Variants in SMU1 observed in about 807,000 individuals in gnomAD.
The protein encoded by SMU1 is WD40 repeat-containing protein SMU1.
In SMU1, 2 loss-of-function variants were observed where a neutral mutation model predicts 62.0. The ratio of observed to expected loss-of-function variants is 0.03; its 90% CI spans 0.01 to 0.10. The LOEUF is 0.10. Ranked by LOEUF, SMU1 falls within the 10% of genes least tolerant of loss-of-function variation. The probability of loss-of-function intolerance (pLI) is 1.00; values close to 1 mark genes in which losing one functional copy is unlikely to be tolerated. For missense variants in SMU1, 227 were observed against 622.1 expected (o/e 0.36, Z 6.76); for synonymous variants, 188 against 212.4 (o/e 0.89, Z 1.00).
At chr9:33,053,851 C>T (rs1839276292) in intron 9 of SMU1, among the ~76,000 whole-genome samples, 1 of 152,244 alleles carries the variant, frequency 6.6e-6, no homozygotes, top group Non-Finnish European at 1.5e-5. Context: ...CAAACTAAAA[C>T]TTAAAAACTT....
chr9:33,047,125 A>G lies in SMU1; in HGVS notation c.*168T>C. 1 of 532,754 alleles carries G rather than the reference A, an allele frequency of 1.9e-6. No individual in the cohort carries two copies. Among genetic ancestry groups the G allele is most frequent in the Admixed American group, 3.7e-5 (1 of 27,134 alleles). 33.0% of individuals were successfully genotyped at this position (532,754 alleles called of 1,614,324 possible). A position where few individuals can be genotyped will look rare whatever the true frequency, so the allele number is the denominator to read the frequency against. On this transcript the variant is annotated 3_prime_UTR_variant, in exon 12 of 12. Transcript: ENST00000397149. ...CTAATACCTTAAAAATATATAAAAA[A>G]AGAAAGGGTAGTTGCTACTTAAACA...
In SMU1 at chr9:33,062,353, G is replaced by A. The variant is rs76076412; in HGVS notation, c.502-176C>T. Among the ~76,000 whole-genome samples, 575 of 152,256 alleles carry A rather than the reference G, an allele frequency of 3.8e-3. 4 individuals carry two copies. Among genetic ancestry groups the A allele is most frequent in the African/African-American group, 0.013 (553 of 41,540 alleles). On this transcript the variant is annotated intron_variant, in intron 4 of 11. Coordinates refer to ENST00000397149, the MANE Select transcript of SMU1 (RefSeq NM_018225.3). ...AATCTGTGCTCCCCTGTGTGTCCAAGAACACAGGCTGATCTAAGGGTGAAG... is the reference window on the plus strand; with the variant it reads ...AATCTGTGCTCCCCTGTGTGTCCAAAAACACAGGCTGATCTAAGGGTGAAG...
chr9:33,071,920 A>AC, intron 2 of SMU1, 28 bp from the exon 3 acceptor site: 1 of 1,489,858 alleles, frequency 6.7e-7, no homozygotes, highest in Non-Finnish European at 8.9e-7. Context: ...AACAAAAAAA[A>AC]CCCCAGATGT....
chr9:33,065,846 A>G lies in SMU1; in HGVS notation c.501+2978T>C, dbSNP rs777558515. On this transcript the variant is annotated intron_variant, in intron 4 of 11. Transcript: ENST00000397149. ...TGAGGTCCTAGGCTCTGAAAATCTC[A>G]GTAGAGCTGAGGACAGGGTGGAGGT... Among the ~76,000 whole-genome samples the G allele has an allele frequency of 7.0e-4, 107 of 152,188 alleles. 1 individual carries two copies. Among genetic ancestry groups the G allele is most frequent in the Non-Finnish European group, 3.1e-4 (21 of 68,034 alleles).
chr9:33,056,555 TCTAA>T (rs2119431046), intron 8 of SMU1, among the ~76,000 whole-genome samples: 1 of 152,302 alleles, frequency 6.6e-6, no homozygotes, highest in East Asian at 1.9e-4. Context: ...TAACAGACCC[TCTAA>T]AGTGATTATG....
intron 9 of SMU1, among the ~76,000 whole-genome samples, 200 bp downstream of exon 9, chr9:33,055,913 G>A (rs553258137): frequency 6.6e-6 from 1 of 152,302 alleles, no homozygotes; most frequent in African/African-American, 2.4e-5. Flanking sequence ...GGATTGAAAA[G>A]GTTTGAGATT....
chr9:33,056,951 T>C lies in SMU1; in HGVS notation c.881A>G (p.Gln294Arg). Residue 294 changes from glutamine to arginine, a missense_variant, in exon 8 of 12, where the codon CAG becomes CGG. Gln to Arg is a conservative substitution (Grantham distance 43). Transcript: ENST00000397149. The part of the protein sequence containing the change: ...QDGKIKVWKI[Q>R]SGQCLRRFER... The stretch of plus-strand genomic sequence containing the variant: ...AAATCTCCTTAAACATTGTCCACTC[T>C]GAATCTTCCACACCTTTATTTGAAA... 6.2e-7 allele frequency: 1 copy of C among 1,612,152 alleles called. No homozygotes were observed. The highest frequency in any genetic ancestry group is 8.5e-7 in the Non-Finnish European group (1 of 1,179,380).
At position 33,061,536 on chromosome 9, in the gene SMU1, C is replaced by T. The variant is rs187985057; in HGVS notation, c.630+513G>A. On this transcript the variant is annotated intron_variant, in intron 5 of 11. Transcript: ENST00000397149. Reference sequence around the variant, plus strand: ...AATACACTTGTAATTCTGGGAATTACCTAGAACACTTTTTCCTAGAAAACT... The same window carrying T: ...AATACACTTGTAATTCTGGGAATTATCTAGAACACTTTTTCCTAGAAAACT... 2.0e-5 allele frequency among the ~76,000 whole-genome samples: 3 copies of T among 151,890 alleles called. No individual in the cohort carries two copies. In the East Asian group the frequency reaches 5.8e-4, roughly 29 times the overall value.
Position 33,047,703 on chromosome 9 carries a change from C to CA in SMU1, c.1444-313dup, listed in dbSNP as rs538845895. The stretch of plus-strand genomic sequence containing the variant: ...TGAAACCCCGTCTCCACTAAAGATA[C>CA]AAAAAATTAGCCAGGAGTGGTGGCA... On this transcript the variant is annotated intron_variant, in intron 11 of 11. Transcript: ENST00000397149. 1.1e-4 allele frequency among the ~76,000 whole-genome samples: 16 copies of CA among 151,938 alleles called. 1 individual carries two copies. Among genetic ancestry groups the CA allele is most frequent in the South Asian group, 6.3e-4 (3 of 4,800 alleles).
At chr9:33,061,762 GAACT>G (rs1029320944) in intron 5 of SMU1, among the ~76,000 whole-genome samples, 9 of 152,172 alleles carry the variant, frequency 5.9e-5, no homozygotes, top group Admixed American at 5.9e-4. Flanking sequence ...AACCAAAAAA[GAACT>G]AACCATTCTT....
chr9:33,057,011 CCTA>C, intron 7 of SMU1, 47 bp from the exon 8 acceptor site: 5 of 1,581,010 alleles, frequency 3.2e-6, no homozygotes, highest in Non-Finnish European at 3.4e-6. Context: ...TGTTAAGTGT[CCTA>C]CTATTAATAG....
In SMU1 at chr9:33,046,937, AT is replaced by A. The variant is rs1384962425; in HGVS notation, c.*355del. 5.5e-5 allele frequency: 10 copies of A among 181,806 alleles called. No individual in the cohort carries two copies. The highest frequency in any genetic ancestry group is 8.0e-5 in the Non-Finnish European group (7 of 87,762). 11.3% of individuals were successfully genotyped at this position (181,806 alleles called of 1,614,324 possible). On this transcript the variant is annotated 3_prime_UTR_variant, in exon 12 of 12. Transcript: ENST00000397149. ...GAACAGAACACAGCTACTGAATATG[AT>A]ATAGTTCCTTATTTACAAGTTTTAC...
At chr9:33,071,211 G>A (rs770365359) in intron 3 of SMU1, among the ~76,000 whole-genome samples, 1 of 151,718 alleles carries the variant, frequency 6.6e-6, no homozygotes, top group South Asian at 2.1e-4. Context: ...AGGCTGGGGG[G>A]GTGGGCAGGA....
intron 2 of SMU1, among the ~76,000 whole-genome samples, chr9:33,072,873 C>G (rs1839503608): frequency 6.6e-6 from 1 of 150,884 alleles, no homozygotes; most frequent in Non-Finnish European, 1.5e-5. Context: ...AACCAAAAAC[C>G]AATTTCACTA....
At chr9:33,065,930 T>C (rs1191537851) in intron 4 of SMU1, among the ~76,000 whole-genome samples, 2 of 152,150 alleles carry the variant, frequency 1.3e-5, no homozygotes, top group Non-Finnish European at 2.9e-5. Context: ...AACAGTGAGA[T>C]TTCTCTATCC....
In SMU1 at chr9:33,056,981, A is replaced by C; in HGVS notation, c.868-17T>G. 6.3e-7 allele frequency: 1 copy of C among 1,591,124 alleles called. No individual in the cohort carries two copies. The highest frequency in any genetic ancestry group is 8.5e-7 in the Non-Finnish European group (1 of 1,174,236). ...CTTCCACACCTTTATTTGAAAAAAAAAAAAGAATTAAAAAAACCTTGTTAA... is the reference window on the plus strand; with the variant it reads ...CTTCCACACCTTTATTTGAAAAAAACAAAAGAATTAAAAAAACCTTGTTAA... On this transcript the variant is annotated splice_polypyrimidine_tract_variant and intron_variant, in intron 7 of 11. Coordinates refer to ENST00000397149, the MANE Select transcript of SMU1 (RefSeq NM_018225.3).
In SMU1 at chr9:33,053,237, G is replaced by A. The variant is rs1423911313; in HGVS notation, c.1176C>T (p.Ser392=). The part of the protein sequence containing the change: ...ECSNTFKSLG[S]TAGTDITVNS... Reference sequence around the variant, plus strand: ...TGACGGTAATATCTGTCCCTGCGGTGCTGCCCAGGGATTTAAAGGTATTTG... The same window carrying A: ...TGACGGTAATATCTGTCCCTGCGGTACTGCCCAGGGATTTAAAGGTATTTG... The change falls in exon 10 of 12, where the codon AGC becomes AGT. Residue 392 remains serine, a synonymous_variant. Coordinates refer to ENST00000397149, the MANE Select transcript of SMU1 (RefSeq NM_018225.3). The A allele has an allele frequency of 3.1e-6, 5 of 1,612,616 alleles. No individual in the cohort carries two copies. The highest frequency in any genetic ancestry group is 1.1e-5 in the South Asian group (1 of 91,024).
At chr9:33,059,104 AATG>A (rs2119434250) in intron 6 of SMU1, among the ~76,000 whole-genome samples, 1 of 152,348 alleles carries the variant, frequency 6.6e-6, no homozygotes, top group East Asian at 1.9e-4. Context: ...TTAGATTGGA[AATG>A]ATCTTAAATA....
intron 6 of SMU1, among the ~76,000 whole-genome samples, 156 bp downstream of exon 6, chr9:33,060,309 G>A (rs1443542145): frequency 6.6e-6 from 1 of 152,164 alleles, no homozygotes; most frequent in Non-Finnish European, 1.5e-5. Context: ...GTGCACCACT[G>A]TCCCTAGCTT....
Sources: gnomAD v4.1 joint callset for allele counts (sites outside exome capture counted in the v4.1 genomes callset) on GRCh38, gnomAD v4.1.1 for gene constraint, MANE v1.5 for transcripts, NCBI Gene and HGNC (gene_info 2026-07-23, HGNC 2026-07-21) for gene names.